Variants in TANC2 observed in about 807,000 individuals in gnomAD.
TANC2 encodes tetratricopeptide repeat, ankyrin repeat and coiled-coil containing 2.
A neutral mutation model predicts 210.5 loss-of-function variants in TANC2; 26 were observed. The ratio of observed to expected loss-of-function variants is 0.12; its 90% CI spans 0.09 to 0.17. TANC2 has a LOEUF of 0.17. TANC2 is among the 10% of genes least tolerant of loss of function. The pLI, the probability that TANC2 is intolerant of heterozygous loss-of-function variation, is 1.00. For synonymous variants in TANC2, 931 were observed against 967.1 expected (o/e 0.96, Z 0.69); for missense variants, 2,129 against 2,608.9 (o/e 0.82, Z 4.01).
chr17:63,334,218 G>A (rs2045951037), intron 11 of TANC2: 1 of 152,106 alleles, frequency 6.6e-6, no homozygotes, highest in Admixed American at 6.5e-5. Flanking sequence ...AAAGAACAGA[G>A]GCTTTTTAGA....
intron 2 of TANC2, among the ~76,000 whole-genome samples, chr17:63,072,583 A>G (rs186389083): frequency 6.6e-6 from 1 of 152,212 alleles, no homozygotes; most frequent in East Asian, 1.9e-4. Flanking sequence ...AGGAAAAAAT[A>G]TGGTTGCCTA....
At chr17:63,166,418 T>G (rs1439930615) in intron 5 of TANC2, among the ~76,000 whole-genome samples, 1 of 152,220 alleles carries the variant, frequency 6.6e-6, no homozygotes. Flanking sequence ...ACAAATTTAC[T>G]TACTGTTTTT....
At chr17:63,212,992 C>G (rs2041929385) in intron 7 of TANC2, among the ~76,000 whole-genome samples, 1 of 152,184 alleles carries the variant, frequency 6.6e-6, no homozygotes, top group South Asian at 2.1e-4. Flanking sequence ...AATAAGGTAA[C>G]TAATATTGTC....
chr17:63,134,272 C>T (rs1215709807), intron 4 of TANC2, among the ~76,000 whole-genome samples: 1 of 152,150 alleles, frequency 6.6e-6, no homozygotes, highest in Non-Finnish European at 1.5e-5. Flanking sequence ...CCATGTTCCT[C>T]TATTGCCTGT....
intron 8 of TANC2, among the ~76,000 whole-genome samples, chr17:63,244,287 A>G (rs1235087982): frequency 2.0e-5 from 3 of 152,110 alleles, no homozygotes; most frequent in Non-Finnish European, 2.9e-5. Context: ...TGACTGGACT[A>G]TTTCCACCTC....
chr17:63,132,006 A>G (rs955193573), intron 4 of TANC2, among the ~76,000 whole-genome samples: 4 of 152,228 alleles, frequency 2.6e-5, no homozygotes, highest in Non-Finnish European at 4.4e-5. Context: ...GCTTAAATCT[A>G]GCTTTAGTGC....
intron 2 of TANC2, among the ~76,000 whole-genome samples, chr17:63,034,028 C>A (rs1407171956): frequency 6.6e-6 from 1 of 152,172 alleles, no homozygotes; most frequent in Admixed American, 6.6e-5. Context: ...CTTCCCCCGT[C>A]CTTCACCTGG....
intron 14 of TANC2, among the ~76,000 whole-genome samples, chr17:63,359,004 G>A (rs557451189): frequency 6.7e-6 from 1 of 149,728 alleles, no homozygotes; most frequent in South Asian, 2.1e-4. Context: ...GTGTGTGTGT[G>A]TGTAAGATTT....
intron 2 of TANC2, among the ~76,000 whole-genome samples, chr17:63,072,065 G>A (rs1000170224): frequency 2.6e-5 from 4 of 152,148 alleles, no homozygotes; most frequent in African/African-American, 9.7e-5. Context: ...AGAGTACATA[G>A]TAATTATTGG....
At chr17:63,146,034 A>G (rs1405727565) in intron 4 of TANC2, among the ~76,000 whole-genome samples, 3 of 152,136 alleles carry the variant, frequency 2.0e-5, no homozygotes, top group African/African-American at 7.2e-5. Flanking sequence ...CCAGTCCATG[A>G]AGAATGGATG....
intron 2 of TANC2, among the ~76,000 whole-genome samples, chr17:63,035,672 A>G (rs1210578000): frequency 6.6e-6 from 1 of 152,236 alleles, no homozygotes; most frequent in African/African-American, 2.4e-5. Flanking sequence ...AAACATTCAT[A>G]TATGGGTTTT....
At chr17:63,116,449 C>T (rs1008127073) in intron 4 of TANC2, among the ~76,000 whole-genome samples, 2 of 152,190 alleles carry the variant, frequency 1.3e-5, no homozygotes, top group Non-Finnish European at 2.9e-5. Context: ...GACAAGAAAA[C>T]GATTGTCCAG....
In TANC2 at chr17:63,037,897, C is replaced by T. The variant is rs74459087; in HGVS notation, c.67+28271C>T. 6.6e-3 allele frequency among the ~76,000 whole-genome samples: 1,002 copies of T among 151,954 alleles called. 73 individuals carry two copies. The East Asian group carries it at 0.16, about 25-fold the overall frequency. On this transcript the variant is annotated intron_variant, in intron 2 of 27. Transcript: ENST00000689528. ...GCTAAACTAACTTATTAGTTCTAAT[C>T]GATGTTTTTTGTTTTTGTTTTTTAG...
At chr17:63,184,732 C>T (rs146243325) in intron 5 of TANC2, among the ~76,000 whole-genome samples, 4 of 151,356 alleles carry the variant, frequency 2.6e-5, no homozygotes, top group African/African-American at 9.7e-5. Context: ...CGGCTCACTG[C>T]AACCTCCGCC....
At chr17:63,354,534 A>G (rs868589188) in intron 13 of TANC2, among the ~76,000 whole-genome samples, 3 of 152,220 alleles carry the variant, frequency 2.0e-5, no homozygotes, top group Non-Finnish European at 4.4e-5. Flanking sequence ...AATGACGATC[A>G]TGAAATCACT....
chr17:62,983,740 CTTTA>C (rs1302558487), intron 1 of TANC2, among the ~76,000 whole-genome samples: 2 of 151,886 alleles, frequency 1.3e-5, no homozygotes, highest in African/African-American at 4.8e-5. Context: ...GGTTTTGCTC[CTTTA>C]TTCTGTTACT....
Position 63,193,974 on chromosome 17 carries a change from A to G in TANC2, c.434-17A>G, listed in dbSNP as rs1357807546. The G allele has an allele frequency of 8.1e-6, 13 of 1,607,032 alleles. No homozygotes were observed. The highest frequency in any genetic ancestry group is 2.7e-5 in the African/African-American group (2 of 74,914). On this transcript the variant is annotated splice_polypyrimidine_tract_variant and intron_variant, in intron 5 of 27. Coordinates refer to ENST00000689528, the Ensembl canonical transcript of TANC2. ...TATTTTGAAAGATTCATGTTCTTCA[A>G]TGCCTTCTTGTTACAGGTGATGCTG...
intron 14 of TANC2, among the ~76,000 whole-genome samples, chr17:63,371,848 G>A (rs1374959810): frequency 2.0e-5 from 3 of 152,146 alleles, no homozygotes; most frequent in Non-Finnish European, 2.9e-5. Context: ...AACTCTTGAG[G>A]TACAGGATCA....
At chr17:63,370,959 A>G (rs1334346077) in intron 14 of TANC2, among the ~76,000 whole-genome samples, 1 of 152,194 alleles carries the variant, frequency 6.6e-6, no homozygotes, top group African/African-American at 2.4e-5. Context: ...GGCGAGCACA[A>G]TCTTTGGAGG....
Sources: allele counts gnomAD v4.1 joint callset (sites outside exome capture counted in the v4.1 genomes callset), GRCh38; gene constraint gnomAD v4.1.1; transcripts MANE v1.5; gene names NCBI Gene and HGNC (gene_info 2026-07-23, HGNC 2026-07-21).